Variants in CTDSPL observed in about 807,000 individuals in gnomAD.
The protein encoded by CTDSPL is CTD small phosphatase like.
A neutral mutation model predicts 30.5 loss-of-function variants in CTDSPL; 8 were observed. The ratio of observed to expected loss-of-function variants is 0.26; its 90% CI spans 0.15 to 0.47. The LOEUF (loss-of-function observed/expected upper bound fraction) is 0.47. CTDSPL is among the 20% of genes least tolerant of loss of function. The probability of loss-of-function intolerance (pLI) is 0.99; values close to 1 mark genes in which losing one functional copy is unlikely to be tolerated. For missense variants in CTDSPL, 248 were observed against 366.1 expected (o/e 0.68, Z 2.63); for synonymous variants, 110 against 137.9 (o/e 0.80, Z 1.42).
At chr3:37,917,454 G>C (rs965476186) in intron 1 of CTDSPL, among the ~76,000 whole-genome samples, 1 of 152,120 alleles carries the variant, frequency 6.6e-6, no homozygotes, top group Non-Finnish European at 1.5e-5. Flanking sequence ...AGGCACTTTC[G>C]TTGTAATTAT....
intron 1 of CTDSPL, among the ~76,000 whole-genome samples, chr3:37,892,431 T>C (rs1354450037): frequency 6.6e-6 from 1 of 152,218 alleles, no homozygotes; most frequent in East Asian, 1.9e-4. Flanking sequence ...TTTTATGCTT[T>C]AGTCTTATAA....
At chr3:37,933,107 C>T (rs947741819) in intron 1 of CTDSPL, among the ~76,000 whole-genome samples, 5 of 149,512 alleles carry the variant, frequency 3.3e-5, no homozygotes, top group African/African-American at 7.4e-5. Flanking sequence ...GAGTCAAGAC[C>T]GCTCCACTAC....
In CTDSPL at chr3:37,921,316, C is replaced by T. The variant is rs920798437; in HGVS notation, c.80-25741C>T. Reference sequence around the variant, plus strand: ...ATCTAAAGAGCAGGCCTTGGCTGTGCCTGGCTGGCCTTCACAGCAGCGGCC... The same window carrying T: ...ATCTAAAGAGCAGGCCTTGGCTGTGTCTGGCTGGCCTTCACAGCAGCGGCC... On this transcript the variant is annotated intron_variant, in intron 1 of 7. Transcript: ENST00000273179. Among the ~76,000 whole-genome samples, 4 of 152,274 alleles carry T rather than the reference C, an allele frequency of 2.6e-5. No individual in the cohort carries two copies. The East Asian group carries it at 7.7e-4, about 29-fold the overall frequency.
intron 1 of CTDSPL, among the ~76,000 whole-genome samples, chr3:37,882,334 CG>C (rs1698215425): frequency 6.6e-6 from 1 of 150,652 alleles, no homozygotes; most frequent in Non-Finnish European, 1.5e-5. Flanking sequence ...CCCAGCTACT[CG>C]GGAGGCTGAG....
intron 7 of CTDSPL, among the ~76,000 whole-genome samples, chr3:37,978,115 T>C (rs1411657143): frequency 6.6e-6 from 1 of 152,220 alleles, no homozygotes; most frequent in Non-Finnish European, 1.5e-5. Flanking sequence ...CTACACCCAC[T>C]ATTTCATGAG....
intron 1 of CTDSPL, among the ~76,000 whole-genome samples, chr3:37,904,815 A>G (rs1698495359): frequency 6.6e-6 from 1 of 152,166 alleles, no homozygotes. Flanking sequence ...TTTGCTGCCC[A>G]TCCTTGCCTC....
chr3:37,953,950 A>T (rs1261267521), intron 2 of CTDSPL, among the ~76,000 whole-genome samples: 1 of 152,044 alleles, frequency 6.6e-6, no homozygotes, highest in African/African-American at 2.4e-5. Context: ...AACCCAAAAG[A>T]CTCCACCAAA....
chr3:37,922,141 A>G (rs9836740), intron 1 of CTDSPL, among the ~76,000 whole-genome samples: 4,195 of 152,138 alleles, frequency 0.028, 187 homozygotes, highest in African/African-American at 0.095. Flanking sequence ...AGGCTGAGGC[A>G]GGAGAATCAC....
At chr3:37,943,886 T>C (rs1194624783) in intron 1 of CTDSPL, among the ~76,000 whole-genome samples, 1 of 150,398 alleles carries the variant, frequency 6.6e-6, no homozygotes, top group African/African-American at 2.4e-5. Flanking sequence ...CTTTGGTACC[T>C]TCTTTTCACA....
chr3:37,881,021 C>CA (rs200179594), intron 1 of CTDSPL, among the ~76,000 whole-genome samples: 1,148 of 84,148 alleles, frequency 0.014, 14 homozygotes, highest in African/African-American at 0.036. Flanking sequence ...TGAGGGGGAC[C>CA]AAAAAAAAAA....
At chr3:37,948,815 T>TTTTTTTTC (rs1460635487) in intron 2 of CTDSPL, among the ~76,000 whole-genome samples, 7 of 116,350 alleles carry the variant, frequency 6.0e-5, no homozygotes, top group Non-Finnish European at 1.1e-4. Flanking sequence ...TTTCTTTTTT[T>TTTTTTTTC]TTTTTTTTTT....
chr3:37,915,008 C>G (rs929700300), intron 1 of CTDSPL, among the ~76,000 whole-genome samples: 11 of 151,224 alleles, frequency 7.3e-5, no homozygotes, highest in Non-Finnish European at 1.3e-4. Flanking sequence ...CCTTGGCCTT[C>G]CAAAGTGCTG....
rs1315337007 is a variant in CTDSPL, at chr3:37,984,078, C to A, written c.*3211C>A. 2.6e-6 allele frequency: 1 copy of A among 382,998 alleles called. No homozygotes were observed. Among genetic ancestry groups the A allele is most frequent in the African/African-American group, 2.0e-5 (1 of 48,802 alleles). The allele number at this position is 382,998 out of a possible 1,614,324, so 23.7% of individuals were successfully genotyped here. On this transcript the variant is annotated 3_prime_UTR_variant, in exon 8 of 8. Coordinates refer to ENST00000273179, the MANE Select transcript of CTDSPL (RefSeq NM_001008392.2). ...ACAGCCCTATGGTCAAACAATCCTA[C>A]GTTTGTGCCTCTGCTTTTAAAGGTG...
At chr3:37,863,536 G>A (rs892142989) in intron 1 of CTDSPL, among the ~76,000 whole-genome samples, 2 of 152,130 alleles carry the variant, frequency 1.3e-5, no homozygotes, top group African/African-American at 2.4e-5. Flanking sequence ...CCTGTCCTGC[G>A]CCTCGTGAAC....
intron 1 of CTDSPL, among the ~76,000 whole-genome samples, chr3:37,867,803 T>C (rs1484380712): frequency 6.6e-6 from 1 of 152,196 alleles, no homozygotes; most frequent in East Asian, 1.9e-4. Context: ...TACAGTTGTT[T>C]AGACTACAGA....
chr3:37,871,523 G>T (rs558790329), intron 1 of CTDSPL, among the ~76,000 whole-genome samples: 2 of 152,284 alleles, frequency 1.3e-5, no homozygotes, highest in East Asian at 3.9e-4. Flanking sequence ...TGTTTTGTAA[G>T]AAACTGCCAA....
chr3:37,956,223 G>A (rs1699171363), intron 2 of CTDSPL, among the ~76,000 whole-genome samples: 1 of 152,218 alleles, frequency 6.6e-6, no homozygotes, highest in Non-Finnish European at 1.5e-5. Context: ...GTGCCAGGCA[G>A]CTGCCATTGC....
chr3:37,918,733 T>G (rs1470972549), intron 1 of CTDSPL, among the ~76,000 whole-genome samples: 1 of 152,214 alleles, frequency 6.6e-6, no homozygotes, highest in Non-Finnish European at 1.5e-5. Context: ...TGTTTGCATC[T>G]GATACAGGCT....
chr3:37,880,542 A>G (rs1360769994), intron 1 of CTDSPL, among the ~76,000 whole-genome samples: 5 of 152,218 alleles, frequency 3.3e-5, no homozygotes, highest in Non-Finnish European at 5.9e-5. Context: ...TTATAGAACA[A>G]ATTCTGTTTC....
Sources: allele counts gnomAD v4.1 joint callset (sites outside exome capture counted in the v4.1 genomes callset), GRCh38; gene constraint gnomAD v4.1.1; transcripts MANE v1.5; gene names NCBI Gene and HGNC (gene_info 2026-07-23, HGNC 2026-07-21).